MLLT1: variants seen among roughly 807,000 people sequenced by gnomAD.
The protein encoded by MLLT1 is protein ENL.
Under a neutral mutation model 55.1 loss-of-function variants are expected in MLLT1, and 11 were observed. The observed-to-expected ratio is 0.20, with a 90% CI of 0.13 to 0.33. The LOEUF (loss-of-function observed/expected upper bound fraction) is 0.33. MLLT1 is among the 10% of genes least tolerant of loss of function. The probability of loss-of-function intolerance (pLI) is 1.00; values close to 1 mark genes in which losing one functional copy is unlikely to be tolerated. For synonymous variants in MLLT1, 323 were observed against 320.1 expected, an observed-to-expected ratio of 1.01 and a Z score of -0.10; for missense variants, 536 against 760.6, an observed-to-expected ratio of 0.70 and a Z score of 3.47.
intron 1 of MLLT1, among the ~76,000 whole-genome samples, chr19:6,272,000 G>A (rs545236610): frequency 5.3e-5 from 8 of 152,340 alleles, no homozygotes; most frequent in Middle Eastern, 3.4e-3. Context: ...GCGCCTGGCC[G>A]GCTTCCCTCC....
At chr19:6,277,713 G>C (rs1192181021) in intron 1 of MLLT1, among the ~76,000 whole-genome samples, 1 of 152,164 alleles carries the variant, frequency 6.6e-6, no homozygotes, top group Non-Finnish European at 1.5e-5. Flanking sequence ...CTTCGGCCTA[G>C]GACATCTCCC....
In MLLT1 at chr19:6,249,281, C is replaced by T. The variant is rs533873785; in HGVS notation, c.276+12947G>A. Among the ~76,000 whole-genome samples the T allele has an allele frequency of 2.2e-4, 33 of 151,914 alleles. 2 individuals carry two copies. The highest frequency in any genetic ancestry group is 6.8e-3 in the Middle Eastern group (2 of 294). On this transcript the variant is annotated intron_variant, in intron 3 of 11. Transcript: ENST00000252674. ...CTGTTTCTTTTGAACTTTTTTAACG[C>T]GGCTAAAAAATAATAATAATAATAA...
chr19:6,211,603 C>T lies in MLLT1; in HGVS notation c.*1439G>A. On this transcript the variant is annotated 3_prime_UTR_variant, in exon 12 of 12. Transcript: ENST00000252674. The surrounding 1 kb of genome is among the most constrained non-coding windows in gnomAD (Gnocchi z 4.6). ...GAGGGGGTGCGAGCCCACCTCCAGG[C>T]CCTCAGCCCTCTTTTCCTCATAACT... is the stretch of plus-strand genomic sequence containing the variant. The T allele has an allele frequency of 9.4e-7, 1 of 1,065,308 alleles. No homozygotes were observed. Among genetic ancestry groups the T allele is most frequent in the Non-Finnish European group, 1.1e-6 (1 of 879,182 alleles). 66.0% of individuals were successfully genotyped at this position (1,065,308 alleles called of 1,614,324 possible).
chr19:6,231,251 G>A lies in MLLT1; in HGVS notation c.277-538C>T, dbSNP rs986922242. 3.9e-5 allele frequency among the ~76,000 whole-genome samples: 6 copies of A among 152,206 alleles called. No individual in the cohort carries two copies. Among genetic ancestry groups the A allele is most frequent in the Admixed American group, 2.0e-4 (3 of 15,284 alleles). The stretch of plus-strand genomic sequence containing the variant: ...GGAGGCTCTGTCCACTTTGGGTGCC[G>A]CCCCGCACCCTCGCCACCCCAGAAG... On this transcript the variant is annotated intron_variant, in intron 3 of 11. Coordinates refer to ENST00000252674, the MANE Select transcript of MLLT1 (RefSeq NM_005934.4). The surrounding 1 kb of genome is among the most constrained non-coding windows in gnomAD (Gnocchi z 5.1).
rs1458394414 is a variant in MLLT1 at position 6,230,203 on chromosome 19, G to C, written c.420+367C>G. ...TGGCCTCCCGAAGTCAGAGGTGATG[G>C]CGATGCGCACGGCAGGGGCCCTGTG... On this transcript the variant is annotated intron_variant, in intron 4 of 11. Coordinates refer to ENST00000252674, the MANE Select transcript of MLLT1 (RefSeq NM_005934.4). This position sits in a 1 kb window ranked among gnomAD's most constrained non-coding sequence, Gnocchi z 9.0. Among the ~76,000 whole-genome samples the C allele has an allele frequency of 2.6e-5, 4 of 152,186 alleles. No homozygotes were observed. Among genetic ancestry groups the C allele is most frequent in the African/African-American group, 4.8e-5 (2 of 41,440 alleles).
At position 6,212,943 on chromosome 19, in the gene MLLT1, G is replaced by T; in HGVS notation, c.*99C>A. 6.9e-7 allele frequency: 1 copy of T among 1,458,650 alleles called. No homozygotes were observed. The highest frequency in any genetic ancestry group is 9.3e-7 in the Non-Finnish European group (1 of 1,069,908). The allele number at this position is 1,458,650 out of a possible 1,614,324, so 90.4% of individuals were successfully genotyped here. The stretch of plus-strand genomic sequence containing the variant: ...GGGCGAGGACAGGGCTGTCGCTAAG[G>T]CAGTGCTGCGGGCAGGCGAGACGGG... On this transcript the variant is annotated 3_prime_UTR_variant, in exon 12 of 12. Coordinates refer to ENST00000252674, the MANE Select transcript of MLLT1 (RefSeq NM_005934.4).
At chr19:6,271,702 G>A (rs912023638) in intron 1 of MLLT1, among the ~76,000 whole-genome samples, 7 of 152,136 alleles carry the variant, frequency 4.6e-5, no homozygotes, top group African/African-American at 1.7e-4. Flanking sequence ...CCTGACACCC[G>A]CTATCAAATA....
At position 6,279,148 on chromosome 19, in the gene MLLT1, C is replaced by G. The variant is rs538514620; in HGVS notation, c.12+625G>C. Reference sequence around the variant, plus strand: ...GCCGGGGTTCAAGGAAGAGAGACGCCGCAGAGCAGGGTCCCAGGGGGCCGG... The same window carrying G: ...GCCGGGGTTCAAGGAAGAGAGACGCGGCAGAGCAGGGTCCCAGGGGGCCGG... On this transcript the variant is annotated intron_variant, in intron 1 of 11. Transcript: ENST00000252674. Among the ~76,000 whole-genome samples the G allele has an allele frequency of 2.0e-5, 3 of 152,156 alleles. No individual in the cohort carries two copies. In the South Asian group the frequency reaches 6.2e-4, roughly 32 times the overall value.
chr19:6,236,924 G>A (rs911223713), intron 3 of MLLT1, among the ~76,000 whole-genome samples: 18 of 152,230 alleles, frequency 1.2e-4, no homozygotes, highest in African/African-American at 3.6e-4. Context: ...CTAGAGTCAC[G>A]TGTTCTTGGG....
intron 1 of MLLT1, among the ~76,000 whole-genome samples, chr19:6,277,465 G>A (rs892064076): frequency 4.6e-5 from 7 of 152,200 alleles, no homozygotes; most frequent in East Asian, 1.9e-4. Flanking sequence ...TGGCTGGTGC[G>A]ATGGAGGAAC....
Position 6,231,740 on chromosome 19 carries a change from A to C in MLLT1, c.277-1027T>G, listed in dbSNP as rs994894907. On this transcript the variant is annotated intron_variant, in intron 3 of 11. Coordinates refer to ENST00000252674, the MANE Select transcript of MLLT1 (RefSeq NM_005934.4). This position sits in a 1 kb window ranked among gnomAD's most constrained non-coding sequence, Gnocchi z 5.1. ...ATGGTCTCCATCTCCTGACCTCGTG[A>C]CCCACCCGCCTCAGCCTCCCAAAGT... is the stretch of plus-strand genomic sequence containing the variant. Among the ~76,000 whole-genome samples, 6 of 151,706 alleles carry C rather than the reference A, an allele frequency of 4.0e-5. No individual in the cohort carries two copies. The highest frequency in any genetic ancestry group is 1.5e-4 in the African/African-American group (6 of 41,310).
chr19:6,220,336 G>T (rs933813777), intron 6 of MLLT1, among the ~76,000 whole-genome samples: 1 of 152,238 alleles, frequency 6.6e-6, no homozygotes, highest in Non-Finnish European at 1.5e-5. Context: ...ACTCTGTGCT[G>T]TTGGGGCCTG....
intron 3 of MLLT1, among the ~76,000 whole-genome samples, chr19:6,247,150 A>G (rs1376205546): frequency 6.6e-6 from 1 of 152,154 alleles, no homozygotes; most frequent in Non-Finnish European, 1.5e-5. Flanking sequence ...GTTTGTTTTC[A>G]TATTACACAG....
At chr19:6,242,947 C>G (rs558946897) in intron 3 of MLLT1, among the ~76,000 whole-genome samples, 46 of 152,322 alleles carry the variant, frequency 3.0e-4, no homozygotes, top group Non-Finnish European at 4.1e-4. Context: ...CACACCAAGC[C>G]AGAAACGCAG....
Position 6,230,083 on chromosome 19 carries a change from C to T in MLLT1, c.420+487G>A, listed in dbSNP as rs2090994195. Among the ~76,000 whole-genome samples the T allele has an allele frequency of 6.6e-6, 1 of 152,164 alleles. No homozygotes were observed. The highest frequency in any genetic ancestry group is 2.1e-4 in the South Asian group (1 of 4,832). On this transcript the variant is annotated intron_variant, in intron 4 of 11. Transcript: ENST00000252674. The surrounding 1 kb of genome is among the most constrained non-coding windows in gnomAD (Gnocchi z 9.0). ...AGCCCTCGTGGGGAACTCTGAGCCCCCACAGGGTCCGGAGGGCTCGACTCC... is the reference window on the plus strand; with the variant it reads ...AGCCCTCGTGGGGAACTCTGAGCCCTCACAGGGTCCGGAGGGCTCGACTCC...
chr19:6,231,270 C>G lies in MLLT1; in HGVS notation c.277-557G>C, dbSNP rs2091007452. 6.6e-6 allele frequency among the ~76,000 whole-genome samples: 1 copy of G among 152,206 alleles called. No homozygotes were observed. Among genetic ancestry groups the G allele is most frequent in the African/African-American group, 2.4e-5 (1 of 41,464 alleles). ...GGTGCCGCCCCGCACCCTCGCCACC[C>G]CAGAAGACAGGGACGCTCGCCTGGC... On this transcript the variant is annotated intron_variant, in intron 3 of 11. Transcript: ENST00000252674. This position sits in a 1 kb window ranked among gnomAD's most constrained non-coding sequence, Gnocchi z 5.1.
chr19:6,265,058 AAAAAAAC>A (rs1271903229), intron 2 of MLLT1, among the ~76,000 whole-genome samples: 30 of 43,140 alleles, frequency 7.0e-4, no homozygotes, highest in East Asian at 2.8e-3. Flanking sequence ...ACAAAAAAAC[AAAAAAAC>A]AAAAAAAAAC....
chr19:6,240,353 T>C lies in MLLT1; in HGVS notation c.277-9640A>G, dbSNP rs1225054972. On this transcript the variant is annotated intron_variant, in intron 3 of 11. Coordinates refer to ENST00000252674, the MANE Select transcript of MLLT1 (RefSeq NM_005934.4). This position sits in a 1 kb window ranked among gnomAD's most constrained non-coding sequence, Gnocchi z 4.7. ...CGGGGGAGTTTTCTTCTTGTACCCC[T>C]GAACTTCAAACTCCACTGTGGAGCA... Among the ~76,000 whole-genome samples the C allele has an allele frequency of 6.6e-6, 1 of 152,196 alleles. No individual in the cohort carries two copies.
chr19:6,275,701 G>T (rs990587718), intron 1 of MLLT1, among the ~76,000 whole-genome samples: 1 of 152,152 alleles, frequency 6.6e-6, no homozygotes, highest in Non-Finnish European at 1.5e-5. Context: ...ATCTGTCCTC[G>T]TCCCTCTGAC....
Sources: allele counts gnomAD v4.1 joint callset (sites outside exome capture counted in the v4.1 genomes callset), GRCh38; gene constraint gnomAD v4.1.1; non-coding constraint Gnocchi (gnomAD v3.1); transcripts MANE v1.5; gene names NCBI Gene and HGNC (gene_info 2026-07-23, HGNC 2026-07-21).